ZNF667: variants seen among roughly 807,000 people sequenced by gnomAD.
The protein encoded by ZNF667 is zinc finger protein 667.
Under a neutral mutation model 31.8 loss-of-function variants are expected in ZNF667, and 13 were observed. That is an observed-to-expected ratio of 0.41 (90% CI 0.27 to 0.65). ZNF667 has a LOEUF of 0.65. ZNF667 is among the 30% of genes least tolerant of loss of function. ZNF667 has a pLI of 0.32. For synonymous variants in ZNF667, 228 were observed against 247.1 expected (o/e 0.92, Z 0.73); for missense variants, 642 against 725.6 (o/e 0.88, Z 1.32).
chr19:56,462,292 C>A (rs1464244444), intron 4 of ZNF667, 46 bp downstream of exon 4: 1 of 1,612,994 alleles, frequency 6.2e-7, no homozygotes, highest in Non-Finnish European at 8.5e-7. Flanking sequence ...CCACATCTCA[C>A]AAGACACGAT....
intron 3 of ZNF667, among the ~76,000 whole-genome samples, chr19:56,470,758 A>G (rs1185052435): frequency 6.6e-6 from 1 of 152,148 alleles, no homozygotes; most frequent in Non-Finnish European, 1.5e-5. Flanking sequence ...TGACGAACTG[A>G]GCAGACTGGC....
intron 3 of ZNF667, among the ~76,000 whole-genome samples, chr19:56,470,420 C>T (rs1254456563): frequency 1.3e-5 from 2 of 152,172 alleles, no homozygotes; most frequent in South Asian, 2.1e-4. Context: ...TGCATCACAC[C>T]ATCTCCTTTA....
At chr19:56,461,787 A>C (rs1445032357) in intron 4 of ZNF667, among the ~76,000 whole-genome samples, 1 of 152,376 alleles carries the variant, frequency 6.6e-6, no homozygotes, top group South Asian at 2.1e-4. Context: ...TGCTGACCAC[A>C]GGAGGCTACG....
chr19:56,446,275 T>C (rs533004057), intron 6 of ZNF667, among the ~76,000 whole-genome samples: 1 of 152,380 alleles, frequency 6.6e-6, no homozygotes, highest in South Asian at 2.1e-4. Context: ...CACAAGGTTT[T>C]CATGAGAATT....
At position 56,442,290 on chromosome 19, in the gene ZNF667, A is replaced by C. The variant is rs200020087; in HGVS notation, c.705T>G (p.Ser235Arg). 9 of 1,614,084 alleles carry C rather than the reference A, an allele frequency of 5.6e-6. No homozygotes were observed. The highest frequency in any genetic ancestry group is 1.7e-4 in the Middle Eastern group (1 of 6,060). The part of the protein sequence containing the change: ...KEILDCGKAL[S>R]QCQSFNIHQK... Reference sequence around the variant, plus strand: ...GATGTATATTGAAAGACTGACATTGACTCAAGGCCTTCCCACAGTCAAGAA... The same window carrying C: ...GATGTATATTGAAAGACTGACATTGCCTCAAGGCCTTCCCACAGTCAAGAA... Residue 235 changes from serine (S) to arginine (R), a missense_variant, in exon 7 of 7, where the codon AGT (serine) becomes AGG (arginine). Ser to Arg is a moderately radical substitution (Grantham distance 110). Transcript: ENST00000504904.
At chr19:56,454,810 A>G (rs1302767211) in intron 6 of ZNF667, among the ~76,000 whole-genome samples, 1 of 151,802 alleles carries the variant, frequency 6.6e-6, no homozygotes, top group Non-Finnish European at 1.5e-5. Flanking sequence ...CAATGAAACT[A>G]AAAATGGACT....
chr19:56,441,106 A>C lies in ZNF667; in HGVS notation c.*56T>G. ...CAAAATTTACATTATAGACAAATACATATTTGCCATATGTTTGATAGCCTC... is the reference window on the plus strand; with the variant it reads ...CAAAATTTACATTATAGACAAATACCTATTTGCCATATGTTTGATAGCCTC... On this transcript the variant is annotated 3_prime_UTR_variant, in exon 7 of 7. Coordinates refer to ENST00000504904, the MANE Select transcript of ZNF667 (RefSeq NM_001321356.2). The surrounding 1 kb of genome is among the most constrained non-coding windows in gnomAD (Gnocchi z 4.2). 2 of 1,537,854 alleles carry C rather than the reference A, an allele frequency of 1.3e-6. No individual in the cohort carries two copies. The highest frequency in any genetic ancestry group is 1.7e-6 in the Non-Finnish European group (2 of 1,144,524).
At position 56,441,283 on chromosome 19, in the gene ZNF667, A is replaced by G. The variant is rs1449188485; in HGVS notation, c.1712T>C (p.Ile571Thr). 1 of 1,613,938 alleles carries G rather than the reference A, an allele frequency of 6.2e-7. No homozygotes were observed. Among genetic ancestry groups the G allele is most frequent in the Non-Finnish European group, 8.5e-7 (1 of 1,179,780 alleles). Residue 571 changes from isoleucine to threonine, a missense_variant, in exon 7 of 7, where the codon ATT (isoleucine) becomes ACT (threonine). Transcript: ENST00000504904. The surrounding 1 kb of genome is among the most constrained non-coding windows in gnomAD (Gnocchi z 4.2). ...GKAFSSGSDLIRHQRSHSSEK... is the reference protein window; with the variant it reads ...GKAFSSGSDLTRHQRSHSSEK... Reference sequence around the variant, plus strand: ...TGAAGAATGACTTCTCTGATGTCGAATAAGGTCTGAGCCACTGCTAAATGC... The same window carrying G: ...TGAAGAATGACTTCTCTGATGTCGAGTAAGGTCTGAGCCACTGCTAAATGC...
chr19:56,448,197 T>C (rs1421749677), intron 6 of ZNF667, among the ~76,000 whole-genome samples: 2 of 152,014 alleles, frequency 1.3e-5, no homozygotes, highest in African/African-American at 2.4e-5. Flanking sequence ...GGAGTGATGG[T>C]GGGACTCTGC....
chr19:56,442,326 A>T lies in ZNF667; in HGVS notation c.669T>A (p.Asp223Glu). 6.2e-7 allele frequency: 1 copy of T among 1,613,982 alleles called. No homozygotes were observed. Reference sequence around the variant, plus strand: ...TCCCACAGTCAAGAATTTCCTTTCCATCATGAATTCTCATATGTAGAATAA... The same window carrying T: ...TCCCACAGTCAAGAATTTCCTTTCCTTCATGAATTCTCATATGTAGAATAA... ...TTLILHMRIHDGKEILDCGKA... is the reference protein window; with the variant it reads ...TTLILHMRIHEGKEILDCGKA... Residue 223 changes from aspartate (D) to glutamate (E), a missense_variant, in exon 7 of 7, where the codon GAT becomes GAA. Coordinates refer to ENST00000504904, the MANE Select transcript of ZNF667 (RefSeq NM_001321356.2).
intron 4 of ZNF667, 26 bp downstream of exon 4, chr19:56,462,312 C>T (rs1396887529): frequency 1.2e-5 from 20 of 1,613,886 alleles, no homozygotes; most frequent in Middle Eastern, 1.6e-4. Flanking sequence ...TGGGGTGTTC[C>T]GGAAGGAAGA....
chr19:56,469,257 C>T (rs1449483382), intron 3 of ZNF667, among the ~76,000 whole-genome samples: 1 of 152,222 alleles, frequency 6.6e-6, no homozygotes, highest in Non-Finnish European at 1.5e-5. Context: ...CACGCACGCA[C>T]ATCCAGAGCT....
In ZNF667 at chr19:56,439,370, T is replaced by G. The variant is rs2042558497; in HGVS notation, c.*1792A>C. 1 of 152,216 alleles carries G rather than the reference T, an allele frequency of 6.6e-6. No homozygotes were observed. The highest frequency in any genetic ancestry group is 1.5e-5 in the Non-Finnish European group (1 of 68,038). 9.4% of individuals were successfully genotyped at this position (152,216 alleles called of 1,614,324 possible). A position where few individuals can be genotyped will look rare whatever the true frequency, so the allele number is the denominator to read the frequency against. ...TTATCTGATTTTATTTCTTATATAT[T>G]TGGCACAAACAGCAGAGACTGAAAG... On this transcript the variant is annotated 3_prime_UTR_variant, in exon 7 of 7. Transcript: ENST00000504904.
At chr19:56,457,538 T>C (rs2042959393) in intron 6 of ZNF667, among the ~76,000 whole-genome samples, 1 of 152,160 alleles carries the variant, frequency 6.6e-6, no homozygotes, top group African/African-American at 2.4e-5. Context: ...ACCCACCTTA[T>C]GGGGTTGTTG....
chr19:56,472,806 G>C (rs992265902), intron 2 of ZNF667: 13 of 152,056 alleles, frequency 8.5e-5, no homozygotes, highest in African/African-American at 3.1e-4. Flanking sequence ...AAGTCTTTGG[G>C]GAGTGAAAAC....
intron 6 of ZNF667, chr19:56,449,317 A>G (rs2042770179): frequency 2.4e-6 from 1 of 422,824 alleles, no homozygotes; most frequent in Non-Finnish European, 4.7e-6. Context: ...AATGAACTAA[A>G]TAAGGCAACA....
intron 1 of ZNF667, chr19:56,474,453 G>A (rs2043358744): frequency 6.6e-6 from 1 of 152,252 alleles, no homozygotes; most frequent in Admixed American, 6.5e-5. Context: ...GCTGTCACAG[G>A]AAGAACACAG....
intron 3 of ZNF667, chr19:56,469,867 A>C (rs775802411): frequency 8.7e-5 from 40 of 459,626 alleles, no homozygotes; most frequent in Middle Eastern, 3.2e-4. Context: ...CTTTGTAATA[A>C]ATATTAACTT....
At chr19:56,456,524 T>G (rs994689574) in intron 6 of ZNF667, among the ~76,000 whole-genome samples, 1 of 152,190 alleles carries the variant, frequency 6.6e-6, no homozygotes, top group Non-Finnish European at 1.5e-5. Context: ...CCTAGGGTTT[T>G]TTACTGGGGG....
Sources: allele counts gnomAD v4.1 joint callset (sites outside exome capture counted in the v4.1 genomes callset), GRCh38; gene constraint gnomAD v4.1.1; non-coding constraint Gnocchi (gnomAD v3.1); transcripts MANE v1.5; gene names NCBI Gene and HGNC (gene_info 2026-07-23, HGNC 2026-07-21).